FBXL13: variants seen among roughly 807,000 people sequenced by gnomAD.
FBXL13 encodes F-box and leucine-rich repeat protein 13.
In FBXL13, 67 loss-of-function variants were observed where a neutral mutation model predicts 83.6. That is an observed-to-expected ratio of 0.80 (90% CI 0.66 to 0.98). The LOEUF (loss-of-function observed/expected upper bound fraction) is 0.98. Ranked by LOEUF, FBXL13 falls within the 50% of genes least tolerant of loss-of-function variation. FBXL13 has a pLI of 0.00. For synonymous variants in FBXL13, 272 were observed against 299.5 expected (o/e 0.91, Z 0.95); for missense variants, 822 against 866.5 (o/e 0.95, Z 0.64).
In FBXL13 at chr7:103,070,978, G is replaced by A. The variant is rs542830666; in HGVS notation, c.-105+3268C>T. Among the ~76,000 whole-genome samples the A allele has an allele frequency of 2.2e-4, 33 of 152,258 alleles. No homozygotes were observed. In the East Asian group the frequency reaches 6.2e-3, roughly 28 times the overall value. On this transcript the variant is annotated intron_variant, in intron 1 of 19. Transcript: ENST00000313221. The stretch of plus-strand genomic sequence containing the variant: ...AAAAAGGCAAACTGAATGAAAAGAT[G>A]CATAATTCTAATAATCAGAATTTAT...
rs566305585 is a variant in FBXL13, at chr7:102,938,800, G to A, written c.725-6867C>T. Among the ~76,000 whole-genome samples, 8 of 152,310 alleles carry A rather than the reference G, an allele frequency of 5.3e-5. No individual in the cohort carries two copies. In the East Asian group the frequency reaches 1.5e-3, roughly 29 times the overall value. ...TTTTCTATTTATCAACACAGCAAAT[G>A]AGATTTTCCTGTGTTTTTCTAAGCC... On this transcript the variant is annotated intron_variant, in intron 8 of 19. Transcript: ENST00000313221.
intron 6 of FBXL13, among the ~76,000 whole-genome samples, chr7:103,003,437 G>A (rs1473110312): frequency 6.6e-6 from 1 of 150,960 alleles, no homozygotes; most frequent in Non-Finnish European, 1.5e-5. Flanking sequence ...ACAGGTGCAC[G>A]CCACCATACT....
At chr7:102,939,650 C>T (rs1821017778) in intron 8 of FBXL13, 1 of 1,342,060 alleles carries the variant, frequency 7.5e-7, no homozygotes, top group African/African-American at 1.5e-5. Flanking sequence ...TCTATGGCAA[C>T]ACTTATATAC....
rs147328492 is a variant in FBXL13, at chr7:103,017,562, G to A, written c.495+7501C>T. Among the ~76,000 whole-genome samples, 8 of 152,246 alleles carry A rather than the reference G, an allele frequency of 5.3e-5. No individual in the cohort carries two copies. In the South Asian group the frequency reaches 6.2e-4, roughly 12 times the overall value. On this transcript the variant is annotated intron_variant, in intron 6 of 19. Transcript: ENST00000313221. Reference sequence around the variant, plus strand: ...GGAAGTTCGAACCCATCGTAAAGACGCTAAAAACCTTGAAAAAAGATTAGA... The same window carrying A: ...GGAAGTTCGAACCCATCGTAAAGACACTAAAAACCTTGAAAAAAGATTAGA...
intron 18 of FBXL13, among the ~76,000 whole-genome samples, chr7:102,825,415 G>A (rs1799457042): frequency 6.6e-6 from 1 of 152,166 alleles, no homozygotes; most frequent in African/African-American, 2.4e-5. Context: ...CGTTGCCTTG[G>A]AATTCTGCAG....
intron 10 of FBXL13, among the ~76,000 whole-genome samples, chr7:102,920,803 G>A (rs1816817893): frequency 6.6e-6 from 1 of 152,130 alleles, no homozygotes; most frequent in Non-Finnish European, 1.5e-5. Flanking sequence ...GAGAAATGTA[G>A]TTATTCCACA....
chr7:103,014,525 G>C (rs549837809), intron 6 of FBXL13, among the ~76,000 whole-genome samples: 48 of 152,236 alleles, frequency 3.2e-4, no homozygotes, highest in South Asian at 1.0e-3. Context: ...CATTCTATGA[G>C]GCCAACATTA....
At chr7:102,928,959 G>C (rs1039220132) in intron 9 of FBXL13, among the ~76,000 whole-genome samples, 5 of 152,192 alleles carry the variant, frequency 3.3e-5, no homozygotes, top group Non-Finnish European at 5.9e-5. Context: ...TCTTGCGGAT[G>C]ACCCTGAAGG....
chr7:102,980,927 T>G (rs1397918083), intron 6 of FBXL13, among the ~76,000 whole-genome samples: 1 of 152,172 alleles, frequency 6.6e-6, no homozygotes, highest in Non-Finnish European at 1.5e-5. Context: ...GAAAACCTTG[T>G]GTGTCAAAGA....
intron 14 of FBXL13, among the ~76,000 whole-genome samples, chr7:102,881,436 CAAAAAAA>C (rs34979881): frequency 2.0e-4 from 12 of 61,416 alleles, no homozygotes; most frequent in East Asian, 5.0e-4. Context: ...GACTCCATCT[CAAAAAAA>C]AAAAAAAAAA....
At chr7:102,823,430 G>A (rs1384001038) in intron 18 of FBXL13, among the ~76,000 whole-genome samples, 3 of 152,174 alleles carry the variant, frequency 2.0e-5, no homozygotes, top group African/African-American at 7.2e-5. Flanking sequence ...AAGTAGGTGA[G>A]ACAGATGTTT....
chr7:102,923,493 T>G (rs868513606), intron 10 of FBXL13, among the ~76,000 whole-genome samples: 27 of 152,174 alleles, frequency 1.8e-4, no homozygotes, highest in Non-Finnish European at 3.4e-4. Context: ...AGAAAAATGT[T>G]AGAAAGTAAT....
At chr7:102,941,392 G>A (rs1821393699) in intron 8 of FBXL13, among the ~76,000 whole-genome samples, 1 of 151,956 alleles carries the variant, frequency 6.6e-6, no homozygotes, top group Admixed American at 6.6e-5. Context: ...TCTCCAACCT[G>A]ACCAATCAGC....
chr7:102,991,597 T>C (rs1829564891), intron 6 of FBXL13, among the ~76,000 whole-genome samples: 1 of 152,108 alleles, frequency 6.6e-6, no homozygotes, highest in African/African-American at 2.4e-5. Flanking sequence ...AGGGAAGGCA[T>C]GGGAAAGAGC....
chr7:102,830,423 A>C (rs1032994014), intron 18 of FBXL13, among the ~76,000 whole-genome samples: 2 of 152,184 alleles, frequency 1.3e-5, no homozygotes, highest in South Asian at 4.1e-4. Context: ...TCTGTGAACT[A>C]TCACTGTTTA....
intron 8 of FBXL13, among the ~76,000 whole-genome samples, chr7:102,956,409 A>T (rs945430757): frequency 2.0e-5 from 3 of 151,696 alleles, no homozygotes; most frequent in African/African-American, 7.2e-5. Context: ...TATTTATGAC[A>T]AACCCACAGC....
intron 6 of FBXL13, chr7:102,973,265 T>C: frequency 2.4e-6 from 1 of 417,352 alleles, no homozygotes; most frequent in South Asian, 2.3e-5. Context: ...TCCTCTCTTC[T>C]CAGGCCCAGT....
chr7:102,877,011 C>T (rs1357387464), intron 16 of FBXL13, among the ~76,000 whole-genome samples: 1 of 152,184 alleles, frequency 6.6e-6, no homozygotes, highest in Non-Finnish European at 1.5e-5. Context: ...ATACAATCAG[C>T]AGCTTGCAGG....
At chr7:102,974,787 C>CTTA (rs2129482728) in intron 6 of FBXL13, among the ~76,000 whole-genome samples, 1 of 152,180 alleles carries the variant, frequency 6.6e-6, no homozygotes, top group East Asian at 1.9e-4. Context: ...TTCTTTAACC[C>CTTA]CCTAAGCCTC....
Sources: gnomAD v4.1 joint callset for allele counts (sites outside exome capture counted in the v4.1 genomes callset) on GRCh38, gnomAD v4.1.1 for gene constraint, MANE v1.5 for transcripts, NCBI Gene and HGNC (gene_info 2026-07-23, HGNC 2026-07-21) for gene names.